Variants in NXPE3 observed in about 807,000 individuals in gnomAD.
The protein encoded by NXPE3 is neurexophilin and PC-esterase domain family member 3.
Under a neutral mutation model 46.1 loss-of-function variants are expected in NXPE3, and 26 were observed. That is an observed-to-expected ratio of 0.56 (90% CI 0.41 to 0.78). The LOEUF is 0.78. NXPE3 is among the 30% of genes least tolerant of loss of function. NXPE3 has a pLI of 0.00. For synonymous variants in NXPE3, 272 were observed against 257.9 expected (o/e 1.05, Z -0.52); for missense variants, 620 against 686.0 (o/e 0.90, Z 1.07).
chr3:101,781,868 G>C (rs1019153749), intron 1 of NXPE3: 2 of 152,112 alleles, frequency 1.3e-5, no homozygotes, highest in African/African-American at 4.8e-5. Flanking sequence ...TGTTTATAAA[G>C]TTTTGACCTT....
intron 4 of NXPE3, among the ~76,000 whole-genome samples, chr3:101,795,801 T>C (rs1940800082): frequency 1.3e-5 from 2 of 152,174 alleles, no homozygotes; most frequent in Admixed American, 1.3e-4. Context: ...CATAGTTCTT[T>C]TGGGAATCAG....
At chr3:101,795,180 G>T (rs906684521) in intron 4 of NXPE3, among the ~76,000 whole-genome samples, 5 of 152,198 alleles carry the variant, frequency 3.3e-5, no homozygotes, top group African/African-American at 4.8e-5. Context: ...CTTATGATTG[G>T]AGTATCTTAT....
chr3:101,811,503 T>C (rs1039849814), intron 6 of NXPE3, among the ~76,000 whole-genome samples: 3 of 152,182 alleles, frequency 2.0e-5, no homozygotes, highest in African/African-American at 7.2e-5. Flanking sequence ...ATTTCACTTA[T>C]TGTGTCATCG....
At position 101,823,655 on chromosome 3, in the gene NXPE3, CT is replaced by C. The variant is rs1942357883; in HGVS notation, c.*1702del. Reference sequence around the variant, plus strand: ...AGGTGTGGGCCGACAGTCCCAGCTACTAGGGAGGCTAAGGCAGGGTGATTGA... The same window carrying C: ...AGGTGTGGGCCGACAGTCCCAGCTACAGGGAGGCTAAGGCAGGGTGATTGA... On this transcript the variant is annotated 3_prime_UTR_variant, in exon 8 of 8. Coordinates refer to ENST00000273347, the MANE Select transcript of NXPE3 (RefSeq NM_145037.4). The C allele has an allele frequency of 6.6e-6, 1 of 152,054 alleles. No homozygotes were observed. The highest frequency in any genetic ancestry group is 1.5e-5 in the Non-Finnish European group (1 of 68,072). The allele number at this position is 152,054 out of a possible 1,614,324, so 9.4% of individuals were successfully genotyped here. A position where few individuals can be genotyped will look rare whatever the true frequency, so the allele number is the denominator to read the frequency against.
In NXPE3 at chr3:101,801,188, A is replaced by G. The variant is rs201717155; in HGVS notation, c.94-47A>G. 192 of 1,530,682 alleles carry G rather than the reference A, an allele frequency of 1.3e-4. No individual in the cohort carries two copies. The African/African-American group carries it at 2.4e-3, about 20-fold the overall frequency. 94.8% of individuals were successfully genotyped at this position (1,530,682 alleles called of 1,614,324 possible). A position where few individuals can be genotyped will look rare whatever the true frequency, so the allele number is the denominator to read the frequency against. On this transcript the variant is annotated intron_variant, in intron 4 of 7. Transcript: ENST00000273347. ...CCTCTGAATTTATGCCAAAATACAG[A>G]GACCTATTATAGTGGTAATTTCTGT...
intron 4 of NXPE3, among the ~76,000 whole-genome samples, chr3:101,794,077 G>A (rs548991351): frequency 6.6e-6 from 1 of 151,062 alleles, no homozygotes; most frequent in African/African-American, 2.4e-5. Flanking sequence ...CTGATGCCTA[G>A]TGTCTGGAAA....
At chr3:101,785,042 A>G (rs1197406678) in intron 3 of NXPE3, among the ~76,000 whole-genome samples, 1 of 152,234 alleles carries the variant, frequency 6.6e-6, no homozygotes, top group Non-Finnish European at 1.5e-5. Context: ...GTGTTACATA[A>G]CTTAAAGGGA....
intron 6 of NXPE3, among the ~76,000 whole-genome samples, chr3:101,815,639 G>A (rs191606606): frequency 6.6e-5 from 10 of 152,246 alleles, no homozygotes; most frequent in East Asian, 1.9e-4. Context: ...CGAGGCGGGC[G>A]GATCACTTGA....
chr3:101,817,494 TC>T (rs1942023899), intron 7 of NXPE3, among the ~76,000 whole-genome samples: 3 of 152,182 alleles, frequency 2.0e-5, no homozygotes, highest in Non-Finnish European at 4.4e-5. Context: ...CCCTGTGTCA[TC>T]CATTGGGCCT....
In NXPE3 at chr3:101,801,547, C is replaced by A. The variant is rs1363350994; in HGVS notation, c.406C>A (p.Pro136Thr). ...LVHVQDFQRKPKKYGGDYLQA... is the reference protein window; with the variant it reads ...LVHVQDFQRKTKKYGGDYLQA... The stretch of plus-strand genomic sequence containing the variant: ...TCATGTGCAGGATTTTCAAAGAAAG[C>A]CCAAGAAGTATGGTGGAGACTACCT... The change falls in exon 5 of 8, where the codon CCC becomes ACC. Residue 136 changes from proline (P) to threonine (T), a missense_variant. Transcript: ENST00000273347. The A allele has an allele frequency of 1.9e-5, 30 of 1,614,048 alleles. No individual in the cohort carries two copies. The highest frequency in any genetic ancestry group is 2.4e-5 in the Non-Finnish European group (28 of 1,180,030).
Position 101,792,858 on chromosome 3 carries a change from A to G in NXPE3, c.93+7169A>G, listed in dbSNP as rs112744773. ...GAATCTGTAAATTGCTTTGGGCAGT[A>G]TAGCCATTTTAATTATATTGATTCT... On this transcript the variant is annotated intron_variant, in intron 4 of 7. Coordinates refer to ENST00000273347, the MANE Select transcript of NXPE3 (RefSeq NM_145037.4). 1.3e-4 allele frequency among the ~76,000 whole-genome samples: 20 copies of G among 152,342 alleles called. 1 individual carries two copies. Among genetic ancestry groups the G allele is most frequent in the African/African-American group, 4.6e-4 (19 of 41,570 alleles).
chr3:101,798,557 C>CTATATATATATATATA (rs1050527910), intron 4 of NXPE3, among the ~76,000 whole-genome samples: 3 of 141,728 alleles, frequency 2.1e-5, no homozygotes, highest in Non-Finnish European at 4.6e-5. Flanking sequence ...AGATATATGT[C>CTATATATATATATATA]TATATATATA....
At chr3:101,787,150 C>CAA (rs111642277) in intron 4 of NXPE3, among the ~76,000 whole-genome samples, 35 of 146,260 alleles carry the variant, frequency 2.4e-4, no homozygotes, top group South Asian at 1.5e-3. Context: ...GAGACTGTCT[C>CAA]AAAAAAAAAA....
At position 101,827,460 on chromosome 3, in the gene NXPE3, G is replaced by A. The variant is rs1942543221; in HGVS notation, c.*5506G>A. 1.3e-5 allele frequency: 2 copies of A among 152,154 alleles called. No individual in the cohort carries two copies. The highest frequency in any genetic ancestry group is 1.3e-4 in the Admixed American group (2 of 15,274). 9.4% of individuals were successfully genotyped at this position (152,154 alleles called of 1,614,324 possible). A position where few individuals can be genotyped will look rare whatever the true frequency, so the allele number is the denominator to read the frequency against. ...AATTAGTCAGTGAAGGCACATGATT[G>A]CGATACTACTTTTTGATTGCCGTAT... On this transcript the variant is annotated 3_prime_UTR_variant, in exon 8 of 8. Coordinates refer to ENST00000273347, the MANE Select transcript of NXPE3 (RefSeq NM_145037.4).
chr3:101,791,104 C>T (rs34063583), intron 4 of NXPE3, among the ~76,000 whole-genome samples: 46,760 of 151,974 alleles, frequency 0.31, 7,409 homozygotes, highest in Non-Finnish European at 0.34. Context: ...CCACTGTCCT[C>T]GCTCAAGTAA....
At position 101,801,405 on chromosome 3, in the gene NXPE3, G is replaced by A. The variant is rs769127796; in HGVS notation, c.264G>A (p.Gln88=). The change falls in exon 5 of 8, where the codon CAG becomes CAA. Residue 88 remains glutamine, a synonymous_variant. Transcript: ENST00000273347. The part of the protein sequence containing the change: ...EDSLLAALHR[Q]VPDVGPVPFV... ...CCTTGCTGGCTGCCTTGCACCGGCA[G>A]GTTCCTGATGTGGGCCCAGTCCCCT... 6 of 1,614,084 alleles carry A rather than the reference G, an allele frequency of 3.7e-6. No individual in the cohort carries two copies. The highest frequency in any genetic ancestry group is 5.1e-6 in the Non-Finnish European group (6 of 1,180,046).
intron 4 of NXPE3, among the ~76,000 whole-genome samples, chr3:101,788,715 A>G (rs1940333915): frequency 6.6e-6 from 1 of 152,104 alleles, no homozygotes; most frequent in African/African-American, 2.4e-5. Flanking sequence ...TCCCAGATTC[A>G]AGTGATTCTC....
intron 5 of NXPE3, among the ~76,000 whole-genome samples, chr3:101,803,691 C>T (rs901127034): frequency 2.0e-5 from 3 of 152,228 alleles, no homozygotes; most frequent in African/African-American, 7.2e-5. Context: ...ATGATTGCAG[C>T]TTGCTGCAGC....
intron 7 of NXPE3, among the ~76,000 whole-genome samples, chr3:101,819,053 C>T (rs1942128743): frequency 6.6e-6 from 1 of 151,954 alleles, no homozygotes; most frequent in African/African-American, 2.4e-5. Flanking sequence ...GCATGAGCCA[C>T]CTTGCCCATC....
Sources: allele counts gnomAD v4.1 joint callset (sites outside exome capture counted in the v4.1 genomes callset), GRCh38; gene constraint gnomAD v4.1.1; transcripts MANE v1.5; gene names NCBI Gene and HGNC (gene_info 2026-07-23, HGNC 2026-07-21).